The following MTR variants were observed in gnomAD, a reference collection of about 807,000 sequenced individuals.
MTR encodes the protein 5-methyltetrahydrofolate-homocysteine methyltransferase.
Under a neutral mutation model 154.8 loss-of-function variants are expected in MTR, and 84 were observed. That is an observed-to-expected ratio of 0.54 (90% CI 0.45 to 0.65). The LOEUF is 0.65. Ranked by LOEUF, MTR falls within the 30% of genes least tolerant of loss-of-function variation. MTR has a pLI of 0.00. For synonymous variants in MTR, 554 were observed against 553.9 expected (o/e 1.00, Z 0.00); for missense variants, 1,275 against 1,570.2 (o/e 0.81, Z 3.18).
rs1211033942 is a variant in MTR, at chr1:236,852,380, G to C, written c.1696-141G>C. 3 of 710,738 alleles carry C rather than the reference G, an allele frequency of 4.2e-6. No individual in the cohort carries two copies. The South Asian group carries it at 4.9e-5, about 12-fold the overall frequency. The allele number at this position is 710,738 out of a possible 1,614,324, so 44.0% of individuals were successfully genotyped here. A position where few individuals can be genotyped will look rare whatever the true frequency, so the allele number is the denominator to read the frequency against. On this transcript the variant is annotated intron_variant, in intron 16 of 32. Coordinates refer to ENST00000366577, the MANE Select transcript of MTR (RefSeq NM_000254.3). ...TACGGCAAGCTTTGGTCTATGTCTA[G>C]TAACAAGAAGCTCTGAATTACTTTG...
intron 22 of MTR, among the ~76,000 whole-genome samples, chr1:236,864,589 A>C (rs1664728629): frequency 6.6e-6 from 1 of 152,206 alleles, no homozygotes; most frequent in African/African-American, 2.4e-5. Context: ...ATTTCTATCC[A>C]TGTACTTACT....
chr1:236,817,594 G>A (rs1661671017), intron 8 of MTR, among the ~76,000 whole-genome samples: 2 of 152,058 alleles, frequency 1.3e-5, no homozygotes, highest in Admixed American at 6.6e-5. Flanking sequence ...TAACAAGAAG[G>A]GTACTGAGAC....
At chr1:236,835,439 A>T in intron 13 of MTR, 108 bp from the exon 14 acceptor site, 1 of 1,365,630 alleles carries the variant, frequency 7.3e-7, no homozygotes, top group Non-Finnish European at 1.0e-6. Flanking sequence ...CTGGCGAGGT[A>T]GTCTGTGTAA....
intron 24 of MTR, among the ~76,000 whole-genome samples, chr1:236,876,874 C>G (rs1055430016): frequency 1.3e-5 from 2 of 152,168 alleles, no homozygotes; most frequent in Non-Finnish European, 2.9e-5. Flanking sequence ...AATATCTATT[C>G]TCATTGTCTG....
At chr1:236,876,014 C>T (rs541317703) in intron 24 of MTR, among the ~76,000 whole-genome samples, 1 of 152,120 alleles carries the variant, frequency 6.6e-6, no homozygotes, top group Non-Finnish European at 1.5e-5. Context: ...CTTGTCTTGT[C>T]TCTTAAAGGT....
At position 236,812,905 on chromosome 1, in the gene MTR, T is replaced by C. The variant is rs551945993; in HGVS notation, c.609+61T>C. ...TAAGGGCTGTGGGTGAGTCCCCTAATGTAGGGAGAAGATAATATTAGCCAT... is the reference window on the plus strand; with the variant it reads ...TAAGGGCTGTGGGTGAGTCCCCTAACGTAGGGAGAAGATAATATTAGCCAT... On this transcript the variant is annotated intron_variant, in intron 6 of 32. Coordinates refer to ENST00000366577, the MANE Select transcript of MTR (RefSeq NM_000254.3). 14 of 1,226,852 alleles carry C rather than the reference T, an allele frequency of 1.1e-5. No individual in the cohort carries two copies. The African/African-American group carries it at 1.6e-4, about 14-fold the overall frequency. The allele number at this position is 1,226,852 out of a possible 1,614,324, so 76.0% of individuals were successfully genotyped here.
rs374799052 is a variant in MTR at position 236,903,302 on chromosome 1, T to A, written c.*5658T>A. 2 of 152,230 alleles carry A rather than the reference T, an allele frequency of 1.3e-5. No homozygotes were observed. Among genetic ancestry groups the A allele is most frequent in the East Asian group, 3.8e-4 (2 of 5,200 alleles). The allele number at this position is 152,230 out of a possible 1,614,324, so 9.4% of individuals were successfully genotyped here. A position where few individuals can be genotyped will look rare whatever the true frequency, so the allele number is the denominator to read the frequency against. ...TATGTTATTGTACTTTTAAAAAGAT[T>A]AGCTTGGCAACAAGTCTAGCCTGAA... is the stretch of plus-strand genomic sequence containing the variant. On this transcript the variant is annotated 3_prime_UTR_variant, in exon 33 of 33. Transcript: ENST00000366577.
intron 22 of MTR, among the ~76,000 whole-genome samples, chr1:236,871,027 T>C (rs1167926150): frequency 2.0e-5 from 3 of 152,164 alleles, no homozygotes; most frequent in African/African-American, 7.2e-5. Flanking sequence ...CCGGACTTGT[T>C]TCAGTCCCAA....
chr1:236,874,324 C>T (rs561044191), intron 23 of MTR, among the ~76,000 whole-genome samples: 2 of 152,066 alleles, frequency 1.3e-5, no homozygotes, highest in South Asian at 2.1e-4. Flanking sequence ...CCTGTAATCC[C>T]GGCATTTTGG....
intron 1 of MTR, among the ~76,000 whole-genome samples, chr1:236,797,790 C>G (rs534981175): frequency 6.6e-6 from 1 of 151,978 alleles, no homozygotes; most frequent in South Asian, 2.1e-4. Context: ...GAAACCCCAT[C>G]TGTACTAAAA....
chr1:236,897,557 G>A lies in MTR; in HGVS notation c.3712-1G>A. The A allele has an allele frequency of 6.2e-7, 1 of 1,613,440 alleles. No individual in the cohort carries two copies. Among genetic ancestry groups the A allele is most frequent in the Non-Finnish European group, 8.5e-7 (1 of 1,179,512 alleles). On this transcript the variant is annotated splice_acceptor_variant, in intron 32 of 32. Transcript: ENST00000366577. LOFTEE classifies it high-confidence loss of function. ...AATAAAATGCTTCTCATCTTTTGCA[G>A]GTTGAGGATTATGCATTGAGGAAGA...
At chr1:236,860,405 G>GTTTTT (rs200802890) in intron 19 of MTR, among the ~76,000 whole-genome samples, 1 of 126,664 alleles carries the variant, frequency 7.9e-6, no homozygotes, top group Non-Finnish European at 1.6e-5. Flanking sequence ...GTTTTGTTTT[G>GTTTTT]TTTTGTTTTT....
At position 236,897,046 on chromosome 1, in the gene MTR, AGCAGTCTCAG is replaced by A; in HGVS notation, c.3642_3651del (p.Val1215SerfsTer6). 1 of 1,614,154 alleles carries A rather than the reference AGCAGTCTCAG, an allele frequency of 6.2e-7. No homozygotes were observed. The highest frequency in any genetic ancestry group is 8.5e-7 in the Non-Finnish European group (1 of 1,180,016). ...AATCATTAGCAATGGCACCTGCTTC[AGCAGTCTCAG>A]GCCTCTACTTCTCCAATTTGAAGTC... is the stretch of plus-strand genomic sequence containing the variant. On this transcript the variant is annotated frameshift_variant, in exon 32 of 33. Coordinates refer to ENST00000366577, the MANE Select transcript of MTR (RefSeq NM_000254.3). LOFTEE classifies it high-confidence loss of function.
At chr1:236,808,383 A>AT (rs2103031547) in intron 3 of MTR, among the ~76,000 whole-genome samples, 1 of 152,004 alleles carries the variant, frequency 6.6e-6, no homozygotes, top group African/African-American at 2.4e-5. Context: ...CCATTGCTTT[A>AT]TTTTTTTCTT....
Position 236,901,719 on chromosome 1 carries a change from G to A in MTR, c.*4075G>A, listed in dbSNP as rs1268304973. 1 of 152,192 alleles carries A rather than the reference G, an allele frequency of 6.6e-6. No individual in the cohort carries two copies. Among genetic ancestry groups the A allele is most frequent in the Non-Finnish European group, 1.5e-5 (1 of 68,060 alleles). The allele number at this position is 152,192 out of a possible 1,614,324, so 9.4% of individuals were successfully genotyped here. A position where few individuals can be genotyped will look rare whatever the true frequency, so the allele number is the denominator to read the frequency against. On this transcript the variant is annotated 3_prime_UTR_variant, in exon 33 of 33. Transcript: ENST00000366577. ...TTCTCATGTTCTCACAGTGGGTGGA[G>A]GGTAAGCTTGCTCTCTGGCCTCCTC... is the stretch of plus-strand genomic sequence containing the variant.
Position 236,894,528 on chromosome 1 carries a change from G to A in MTR, c.3376G>A (p.Val1126Ile), listed in dbSNP as rs774372450. The A allele has an allele frequency of 6.2e-7, 1 of 1,614,184 alleles. No individual in the cohort carries two copies. Residue 1126 changes from valine (V) to isoleucine (I), a missense_variant, in exon 30 of 33, where the codon GTC becomes ATC. Val to Ile is a conservative substitution (Grantham distance 29). Transcript: ENST00000366577. The part of the protein sequence containing the change: ...DDGDDYSSIM[V>I]KALGDRLAEA... ...TGGTGACGACTACAGCAGCATCATG[G>A]TCAAGGCGCTGGGGGACCGGCTGGC...
intron 16 of MTR, 75 bp downstream of exon 16, chr1:236,850,598 C>A (rs1663840367): frequency 7.6e-7 from 1 of 1,311,428 alleles, no homozygotes; most frequent in African/African-American, 1.6e-5. Context: ...TTAGAACTAA[C>A]TTATATATTT....
At chr1:236,827,090 A>G (rs1662332817) in intron 11 of MTR, among the ~76,000 whole-genome samples, 194 bp downstream of exon 11, 1 of 152,228 alleles carries the variant, frequency 6.6e-6, no homozygotes, top group Non-Finnish European at 1.5e-5. Context: ...GTAAAATGTC[A>G]TACAGGTGTA....
At position 236,903,482 on chromosome 1, in the gene MTR, C is replaced by T. The variant is rs1041654289; in HGVS notation, c.*5838C>T. On this transcript the variant is annotated 3_prime_UTR_variant, in exon 33 of 33. Transcript: ENST00000366577. ...TAATTTTCAAAGATGCCTTTTGCCT[C>T]ATCCCTTGCTTTTAAGTATTATTAT... 2.6e-5 allele frequency: 4 copies of T among 151,464 alleles called. No homozygotes were observed. Among genetic ancestry groups the T allele is most frequent in the African/African-American group, 9.8e-5 (4 of 40,820 alleles). 9.4% of individuals were successfully genotyped at this position (151,464 alleles called of 1,614,324 possible).
Sources: allele counts gnomAD v4.1 joint callset (sites outside exome capture counted in the v4.1 genomes callset), GRCh38; gene constraint gnomAD v4.1.1; transcripts MANE v1.5; gene names NCBI Gene and HGNC (gene_info 2026-07-23, HGNC 2026-07-21).